The following MUC3A variants were observed in gnomAD, a reference collection of about 807,000 sequenced individuals.
MUC3A encodes mucin 3A, cell surface associated, also known as mucin-3A.
A neutral mutation model predicts 109.0 loss-of-function variants in MUC3A; 109 were observed. That is an observed-to-expected ratio of 1.00 (90% CI 0.86 to 1.17). The LOEUF is 1.17. Among genes scored for constraint, MUC3A ranks in the 50% most tolerant of loss-of-function variants. The probability of loss-of-function intolerance (pLI) is 0.00; values close to 1 mark genes in which losing one functional copy is unlikely to be tolerated. For synonymous variants in MUC3A, 1,398 were observed against 981.4 expected, an observed-to-expected ratio of 1.42 and a Z score of -7.93; for missense variants, 3,537 against 2,469.4, an observed-to-expected ratio of 1.43 and a Z score of -9.16.
rs768486747 is a variant in MUC3A at position 100,960,572 on chromosome 7, C to A, written c.8793C>A (p.Thr2931=). ...ETPVATTQTP[T]TLTSRRTTRI... is the part of the protein sequence containing the mutation. ...CAGTGGCCACTACCCAGACTCCTACCACCCTTACATCACGCAGGACAACTC... is the reference window on the plus strand; with the variant it reads ...CAGTGGCCACTACCCAGACTCCTACAACCCTTACATCACGCAGGACAACTC... The change falls in exon 2 of 12, where the codon ACC becomes ACA. Residue 2931 remains threonine, a synonymous_variant. Coordinates refer to ENST00000379458, the MANE Select transcript of MUC3A (RefSeq NM_005960.2). 1 of 1,598,740 alleles carries A rather than the reference C, an allele frequency of 6.3e-7. No homozygotes were observed. The highest frequency in any genetic ancestry group is 1.1e-5 in the South Asian group (1 of 91,090).
In MUC3A at chr7:100,958,787, C is replaced by G. The variant is rs575666641; in HGVS notation, c.7008C>G (p.His2336Gln). 9.6e-6 allele frequency: 14 copies of G among 1,454,432 alleles called. No homozygotes were observed. The highest frequency in any genetic ancestry group is 3.6e-5 in the African/African-American group (2 of 56,116). The allele number at this position is 1,454,432 out of a possible 1,614,324, so 90.1% of individuals were successfully genotyped here. Residue 2336 changes from histidine to glutamine, a missense_variant, in exon 2 of 12, where the codon CAC becomes CAG. Coordinates refer to ENST00000379458, the MANE Select transcript of MUC3A (RefSeq NM_005960.2). ...TCACCACCACCGAGACCACCTCACA[C>G]AATACTCGCAGCTTCACTTCTTCGA... The part of the protein sequence containing the change: ...SSITTTETTS[H>Q]NTRSFTSSIT...
intron 6 of MUC3A, 200 bp downstream of exon 6, chr7:100,965,043 A>T (rs148450486): frequency 8.6e-3 from 9,364 of 1,084,552 alleles, no homozygotes; most frequent in Admixed American, 0.013. Context: ...TGGGAAAGAG[A>T]CCCCCTGATT....
Position 100,963,084 on chromosome 7 carries a change from G to A in MUC3A, c.9053-67G>A, listed in dbSNP as rs1792393453. The A allele has an allele frequency of 1.9e-6, 3 of 1,539,578 alleles. No individual in the cohort carries two copies. In the East Asian group the frequency reaches 7.0e-5, roughly 36 times the overall value. On this transcript the variant is annotated intron_variant, in intron 3 of 11. Transcript: ENST00000379458. ...GCAGGAGGAGCCTGTGGGTTGGGGT[G>A]GTGGTGTTGGTGGCTTCAGACAAAA...
chr7:100,964,284 G>GTAATAATAA (rs10675342), intron 5 of MUC3A: 200 of 156,768 alleles, frequency 1.3e-3, no homozygotes, highest in Middle Eastern at 9.6e-3. Flanking sequence ...AGTAAAAATA[G>GTAATAATAA]TAATAATAAT....
At position 100,958,932 on chromosome 7, in the gene MUC3A, C is replaced by A. The variant is rs569409437; in HGVS notation, c.7153C>A (p.Pro2385Thr). ...TTCTTCAATCACCACCACTGAGACC[C>A]CCTTACACAGTACTCCTGGCCTCAC... ...FSSSITTTET[P>T]LHSTPGLTSW... is the part of the protein sequence containing the mutation. The change falls in exon 2 of 12, where the codon CCC becomes ACC. Residue 2385 changes from proline to threonine, a missense_variant. By Grantham distance (38) the Pro-to-Thr change is conservative (BLOSUM62 -1). Transcript: ENST00000379458. 1,007 of 1,119,348 alleles carry A rather than the reference C, an allele frequency of 9.0e-4. 4 individuals are homozygous for A. In the Middle Eastern group the frequency reaches 0.048, roughly 54 times the overall value. The allele number at this position is 1,119,348 out of a possible 1,614,324, so 69.3% of individuals were successfully genotyped here.
intron 7 of MUC3A, 140 bp from the exon 8 acceptor site, chr7:100,965,564 T>A: frequency 6.9e-7 from 1 of 1,458,416 alleles, no homozygotes; most frequent in South Asian, 1.4e-5. Flanking sequence ...CCTCCCCTCA[T>A]CGAATCCCAG....
intron 1 of MUC3A, among the ~76,000 whole-genome samples, chr7:100,950,717 G>A (rs1454192323): frequency 2.0e-5 from 3 of 152,306 alleles, no homozygotes. Flanking sequence ...GACAAATTGT[G>A]AAATGGGTTG....
Position 100,957,161 on chromosome 7 carries a change from C to T in MUC3A, c.5382C>T (p.Thr1794=). The T allele has an allele frequency of 2.2e-6, 1 of 450,200 alleles. No individual in the cohort carries two copies. Among genetic ancestry groups the T allele is most frequent in the Non-Finnish European group, 3.9e-6 (1 of 257,856 alleles). 27.9% of individuals were successfully genotyped at this position (450,200 alleles called of 1,614,324 possible). Residue 1794 remains threonine, a synonymous_variant, in exon 2 of 12, where the codon ACC becomes ACT. Transcript: ENST00000379458. The stretch of plus-strand genomic sequence containing the variant: ...CCACTAATACGTTACCATCATTTAC[C>T]AGTAGCGTTTCATCTTCTACGCCTG... ...PTATNTLPSF[T]SSVSSSTPVP...
rs1423845623 is a variant in MUC3A, at chr7:100,957,880, A to G, written c.6101A>G (p.Glu2034Gly). 1.4e-5 allele frequency: 6 copies of G among 441,114 alleles called. No individual in the cohort carries two copies. In the South Asian group the frequency reaches 1.6e-4, roughly 12 times the overall value. 27.3% of individuals were successfully genotyped at this position (441,114 alleles called of 1,614,324 possible). The change falls in exon 2 of 12, where the codon GAG (glutamate) becomes GGG (glycine). Residue 2034 changes from glutamate to glycine, a missense_variant. Glu to Gly is a moderately conservative substitution (Grantham distance 98). Transcript: ENST00000379458. ...PSLTSSITTTETTSHSTPSFT... is the reference protein window; with the variant it reads ...PSLTSSITTTGTTSHSTPSFT... The stretch of plus-strand genomic sequence containing the variant: ...TTGACTTCTTCGATCACAACCACCG[A>G]GACCACATCCCATAGTACTCCCAGC...
Position 100,952,047 on chromosome 7 carries a change from A to T in MUC3A, c.268A>T (p.Thr90Ser), listed in dbSNP as rs764962852. The stretch of plus-strand genomic sequence containing the variant: ...CCCCCATGACACACTCATCTCTGAA[A>T]CATTGCTCAACTCTCCAGTCAGTTC... ...TSPHDTLISETLLNSPVSSNT... is the reference protein window; with the variant it reads ...TSPHDTLISESLLNSPVSSNT... The change falls in exon 2 of 12, where the codon ACA (threonine) becomes TCA (serine). Residue 90 changes from threonine to serine, a missense_variant. By Grantham distance (58) the Thr-to-Ser change is moderately conservative. Transcript: ENST00000379458. 1 of 1,598,566 alleles carries T rather than the reference A, an allele frequency of 6.3e-7. No homozygotes were observed. The highest frequency in any genetic ancestry group is 1.3e-5 in the African/African-American group (1 of 74,964).
At chr7:100,966,049 T>TCTCCCTAAAGTGTAGCCCCGCCTCC in intron 8 of MUC3A, 183 bp downstream of exon 8, 3 of 855,048 alleles carry the variant, frequency 3.5e-6, no homozygotes, top group Non-Finnish European at 5.1e-6. Flanking sequence ...GCTCTGCTCC[T>TCTCCCTAAAGTGTAGCCCCGCCTCC]TTGATGGGGT....
At chr7:100,962,708 CT>C (rs1194891190) in intron 3 of MUC3A, among the ~76,000 whole-genome samples, 2 of 134,408 alleles carry the variant, frequency 1.5e-5, no homozygotes, top group African/African-American at 5.6e-5. Context: ...CTTTCTCTTT[CT>C]TTTCTTTCCT....
Position 100,958,836 on chromosome 7 carries a change from C to G in MUC3A, c.7057C>G (p.His2353Asp). Residue 2353 changes from histidine to aspartate, a missense_variant, in exon 2 of 12, where the codon CAC becomes GAC. Transcript: ENST00000379458. The stretch of plus-strand genomic sequence containing the variant: ...GATCACCACCACCGAGACCAACTCT[C>G]ACAGTACTACCAGCTTCACTTCTTC... The part of the protein sequence containing the change: ...SSITTTETNS[H>D]STTSFTSSIT... 1.5e-6 allele frequency: 2 copies of G among 1,371,344 alleles called. No homozygotes were observed. Among genetic ancestry groups the G allele is most frequent in the Non-Finnish European group, 9.5e-7 (1 of 1,055,324 alleles). The allele number at this position is 1,371,344 out of a possible 1,614,324, so 84.9% of individuals were successfully genotyped here. A position where few individuals can be genotyped will look rare whatever the true frequency, so the allele number is the denominator to read the frequency against.
In MUC3A at chr7:100,966,884, CCTCT is replaced by C; in HGVS notation, c.9878-6_9878-3del. 3 of 1,592,164 alleles carry C rather than the reference CCTCT, an allele frequency of 1.9e-6. No homozygotes were observed. The highest frequency in any genetic ancestry group is 2.6e-6 in the Non-Finnish European group (3 of 1,174,484). On this transcript the variant is annotated splice_polypyrimidine_tract_variant and intron_variant, in intron 10 of 11. Transcript: ENST00000379458. ...CCCTCTCCCCTTCTCTTTCTCCGCT[CCTCT>C]CTCTCTCTAGACAAGGATACAAATT...
chr7:100,960,707 G>T, intron 2 of MUC3A, 45 bp from the exon 3 acceptor site: 2 of 1,594,020 alleles, frequency 1.3e-6, no homozygotes, highest in Non-Finnish European at 8.5e-7. Flanking sequence ...GTGTCACTGA[G>T]GTCAGGCTTT....
chr7:100,965,005 A>G (rs905140067), intron 6 of MUC3A, 162 bp downstream of exon 6: 2 of 1,204,068 alleles, frequency 1.7e-6, no homozygotes, highest in Admixed American at 5.3e-5. Context: ...GGGTGGGGCT[A>G]GGGAGGGTCT....
At position 100,958,680 on chromosome 7, in the gene MUC3A, T is replaced by G; in HGVS notation, c.6901T>G (p.Ser2301Ala). ...TTTAATCACCACCACCAAGACCACCTCACACAGTACTCCCAGCTTCACTTC... is the reference window on the plus strand; with the variant it reads ...TTTAATCACCACCACCAAGACCACCGCACACAGTACTCCCAGCTTCACTTC... ...TSLITTTKTT[S>A]HSTPSFTSSI... The change falls in exon 2 of 12, where the codon TCA becomes GCA. Residue 2301 changes from serine to alanine, a missense_variant. Coordinates refer to ENST00000379458, the MANE Select transcript of MUC3A (RefSeq NM_005960.2). The G allele has an allele frequency of 6.3e-7, 1 of 1,588,740 alleles. No individual in the cohort carries two copies. Among genetic ancestry groups the G allele is most frequent in the Non-Finnish European group, 8.5e-7 (1 of 1,173,518 alleles).
chr7:100,959,859 C>T lies in MUC3A; in HGVS notation c.8080C>T (p.Pro2694Ser), dbSNP rs566958803. Residue 2694 changes from proline (P) to serine (S), a missense_variant, in exon 2 of 12, where the codon CCA becomes TCA. By Grantham distance (74) the Pro-to-Ser change is moderately conservative. Coordinates refer to ENST00000379458, the MANE Select transcript of MUC3A (RefSeq NM_005960.2). ...ACCCACTATTATCATGTCCTCTTCT[C>T]CATCTTCTGCCAGCATAACTCCAGT... is the stretch of plus-strand genomic sequence containing the variant. ...STPTIIMSSS[P>S]SSASITPVFS... 6.4e-6 allele frequency: 10 copies of T among 1,559,546 alleles called. No individual in the cohort carries two copies. In the South Asian group the frequency reaches 9.7e-5, roughly 15 times the overall value.
Position 100,959,438 on chromosome 7 carries a change from G to C in MUC3A, c.7659G>C (p.Met2553Ile). The change falls in exon 2 of 12, where the codon ATG becomes ATC. Residue 2553 changes from methionine (M) to isoleucine (I), a missense_variant. Transcript: ENST00000379458. ...TTSPTMSTVR[M>I]TLRITENTPI... ...CTCCCACCATGTCCACTGTGAGAAT[G>C]ACCCTCAGAATTACTGAGAACACCC... 1.9e-6 allele frequency: 3 copies of C among 1,545,250 alleles called. No homozygotes were observed. The South Asian group carries it at 3.8e-5, about 19-fold the overall frequency.
Sources: gnomAD v4.1 joint callset for allele counts (sites outside exome capture counted in the v4.1 genomes callset) on GRCh38, gnomAD v4.1.1 for gene constraint, MANE v1.5 for transcripts, NCBI Gene and HGNC (gene_info 2026-07-23, HGNC 2026-07-21) for gene names.